The following FSTL5 variants were observed in gnomAD, a reference collection of about 807,000 sequenced individuals.
FSTL5 encodes follistatin like 5, also known as follistatin-related protein 5.
A neutral mutation model predicts 89.1 loss-of-function variants in FSTL5; 62 were observed. The ratio of observed to expected loss-of-function variants is 0.70; its 90% confidence interval spans 0.57 to 0.86. FSTL5 has a LOEUF of 0.86. Among genes scored for constraint, FSTL5 ranks in the 40% least tolerant of loss-of-function variants. The pLI is 0.00. For missense variants in FSTL5, 1,057 were observed against 1,001.6 expected (o/e 1.06, Z -0.75); for synonymous variants, 383 against 346.2 (o/e 1.11, Z -1.18).
At chr4:161,506,190 T>G (rs1468265932) in intron 11 of FSTL5, among the ~76,000 whole-genome samples, 1 of 151,702 alleles carries the variant, frequency 6.6e-6, no homozygotes, top group East Asian at 1.9e-4. Context: ...CACCTCAGTC[T>G]TCTGAGTAGC....
chr4:161,686,352 T>A (rs1357814370), intron 6 of FSTL5, among the ~76,000 whole-genome samples: 8 of 53,160 alleles, frequency 1.5e-4, no homozygotes, highest in African/African-American at 4.6e-4. Flanking sequence ...ATATATTTTT[T>A]TTTTTTTTTT....
chr4:162,082,343 T>A (rs2111336314), intron 2 of FSTL5, among the ~76,000 whole-genome samples: 1 of 151,856 alleles, frequency 6.6e-6, no homozygotes, highest in Admixed American at 6.6e-5. Context: ...TGCTGGTATT[T>A]CCTATTATTG....
chr4:161,471,967 A>G (rs1309762964), intron 13 of FSTL5, among the ~76,000 whole-genome samples: 1 of 136,362 alleles, frequency 7.3e-6, no homozygotes, highest in Non-Finnish European at 1.5e-5. Context: ...ATAGCTTGTC[A>G]ATTTTCTTGA....
chr4:161,843,512 T>C (rs1257308684), intron 4 of FSTL5, among the ~76,000 whole-genome samples: 1 of 152,184 alleles, frequency 6.6e-6, no homozygotes, highest in African/African-American at 2.4e-5. Context: ...TTTTATTCTC[T>C]TTGTAGCAAT....
chr4:161,502,748 A>T (rs568447577), intron 11 of FSTL5, among the ~76,000 whole-genome samples: 3 of 151,896 alleles, frequency 2.0e-5, no homozygotes, highest in Non-Finnish European at 3.0e-5. Context: ...TGATCTGAAC[A>T]TATGACCTGA....
At chr4:161,954,551 A>G (rs1263823954) in intron 3 of FSTL5, among the ~76,000 whole-genome samples, 2 of 151,632 alleles carry the variant, frequency 1.3e-5, no homozygotes, top group Non-Finnish European at 3.0e-5. Flanking sequence ...TTTGTAAAAT[A>G]TATCTTTACA....
intron 2 of FSTL5, among the ~76,000 whole-genome samples, chr4:162,059,102 G>A (rs556313481): frequency 1.3e-5 from 2 of 152,222 alleles, no homozygotes; most frequent in South Asian, 2.1e-4. Context: ...AAGGGCCATA[G>A]GCATATCTTT....
rs150545279 is a variant in FSTL5, at chr4:161,625,983, C to T, written c.894+30345G>A. The stretch of plus-strand genomic sequence containing the variant: ...ATGGAGGCTGAGATATATGAAAGCA[C>T]AGAGAAAATTTGGAAGCTTTTCTTC... On this transcript the variant is annotated intron_variant, in intron 7 of 15. Coordinates refer to ENST00000306100, the MANE Select transcript of FSTL5 (RefSeq NM_020116.5). Among the ~76,000 whole-genome samples, 39 of 152,128 alleles carry T rather than the reference C, an allele frequency of 2.6e-4. 1 individual carries two copies. In the East Asian group the frequency reaches 7.0e-3, roughly 27 times the overall value.
intron 13 of FSTL5, among the ~76,000 whole-genome samples, chr4:161,459,541 A>T (rs1212871283): frequency 2.0e-5 from 3 of 152,152 alleles, no homozygotes; most frequent in Non-Finnish European, 4.4e-5. Flanking sequence ...TTTATCATAT[A>T]CAATTATGAT....
intron 10 of FSTL5, among the ~76,000 whole-genome samples, chr4:161,522,288 A>G (rs2126517510): frequency 6.6e-6 from 1 of 152,314 alleles, no homozygotes; most frequent in South Asian, 2.1e-4. Context: ...CAGTGTAGCC[A>G]ACTGTGGCTG....
intron 3 of FSTL5, among the ~76,000 whole-genome samples, chr4:161,943,741 G>C (rs1480071270): frequency 1.3e-5 from 2 of 151,454 alleles, no homozygotes; most frequent in Non-Finnish European, 2.9e-5. Flanking sequence ...ATTTTTAGTA[G>C]AGATGGGGTT....
At chr4:161,894,616 T>C (rs1396300950) in intron 4 of FSTL5, among the ~76,000 whole-genome samples, 1 of 152,120 alleles carries the variant, frequency 6.6e-6, no homozygotes, top group African/African-American at 2.4e-5. Context: ...GTAGCTGGGA[T>C]TACAGGCATG....
chr4:162,098,890 A>G (rs1470862185), intron 2 of FSTL5, among the ~76,000 whole-genome samples: 1 of 152,150 alleles, frequency 6.6e-6, no homozygotes, highest in Non-Finnish European at 1.5e-5. Flanking sequence ...AGCAACAAAA[A>G]GAATCCACAC....
At chr4:162,135,181 T>A (rs1732475235) in intron 1 of FSTL5, among the ~76,000 whole-genome samples, 1 of 152,174 alleles carries the variant, frequency 6.6e-6, no homozygotes. Flanking sequence ...AGTTTTCTCA[T>A]TGTTATTATT....
intron 15 of FSTL5, among the ~76,000 whole-genome samples, chr4:161,423,236 AAC>A (rs1732048391): frequency 6.6e-6 from 1 of 152,190 alleles, no homozygotes; most frequent in African/African-American, 2.4e-5. Context: ...AATAAATAAA[AAC>A]AGTGTTGAGT....
chr4:162,081,903 T>A (rs949196611), intron 2 of FSTL5, among the ~76,000 whole-genome samples: 3 of 151,434 alleles, frequency 2.0e-5, no homozygotes, highest in Non-Finnish European at 4.4e-5. Context: ...TAAACAAAAA[T>A]CAGCCCTTAA....
intron 14 of FSTL5, among the ~76,000 whole-genome samples, chr4:161,456,142 G>C (rs904900768): frequency 1.3e-5 from 2 of 152,040 alleles, no homozygotes; most frequent in African/African-American, 4.8e-5. Flanking sequence ...TCTATTTCAA[G>C]TTATTTCCTG....
chr4:161,520,091 A>G (rs1730973002), intron 10 of FSTL5, among the ~76,000 whole-genome samples: 1 of 152,066 alleles, frequency 6.6e-6, no homozygotes, highest in Admixed American at 6.6e-5. Flanking sequence ...AGTTAGGGCT[A>G]TATGAGAACT....
intron 3 of FSTL5, among the ~76,000 whole-genome samples, chr4:161,968,608 AG>A (rs971748462): frequency 4.6e-5 from 7 of 152,198 alleles, no homozygotes; most frequent in African/African-American, 1.7e-4. Flanking sequence ...CCTGGAGGTT[AG>A]AAGGGATCCC....
Sources: allele counts gnomAD v4.1 joint callset (sites outside exome capture counted in the v4.1 genomes callset), GRCh38; gene constraint gnomAD v4.1.1; transcripts MANE v1.5; gene names NCBI Gene and HGNC (gene_info 2026-07-23, HGNC 2026-07-21).